The following SMARCC1 variants were observed in gnomAD, a reference collection of about 807,000 sequenced individuals.
SMARCC1 encodes SWI/SNF related BAF chromatin remodeling complex subunit C1.
Under a neutral mutation model 147.4 loss-of-function variants are expected in SMARCC1, and 43 were observed. The ratio of observed to expected loss-of-function variants is 0.29; its 90% CI spans 0.23 to 0.38. The LOEUF is 0.38. Among genes scored for constraint, SMARCC1 ranks in the 10% least tolerant of loss-of-function variants. The pLI, the probability that SMARCC1 is intolerant of heterozygous loss-of-function variation, is 1.00. For missense variants in SMARCC1, 1,119 were observed against 1,381.1 expected (o/e 0.81, Z 3.01); for synonymous variants, 495 against 484.4 (o/e 1.02, Z -0.29).
rs1253600390 is a variant in SMARCC1 at position 47,585,950 on chromosome 3, T to C, written c.*2259A>G. ...AAGAGAGAGATTAGGCCTTCTTCAT[T>C]CATTTTCTCCATTCTTGCCAAACTC... On this transcript the variant is annotated 3_prime_UTR_variant, in exon 28 of 28. Transcript: ENST00000254480. 1 of 152,612 alleles carries C rather than the reference T, an allele frequency of 6.6e-6. No homozygotes were observed. The highest frequency in any genetic ancestry group is 1.5e-5 in the Non-Finnish European group (1 of 68,038). 9.5% of individuals were successfully genotyped at this position (152,612 alleles called of 1,614,324 possible). A position where few individuals can be genotyped will look rare whatever the true frequency, so the allele number is the denominator to read the frequency against.
intron 6 of SMARCC1, among the ~76,000 whole-genome samples, chr3:47,725,233 T>C (rs1293114468): frequency 6.6e-6 from 1 of 151,952 alleles, no homozygotes; most frequent in African/African-American, 2.4e-5. Flanking sequence ...TCGTATGTCA[T>C]CATGCTTTCA....
chr3:47,637,802 A>T (rs2032991798), intron 22 of SMARCC1, among the ~76,000 whole-genome samples: 2 of 151,996 alleles, frequency 1.3e-5, no homozygotes, highest in South Asian at 4.1e-4. Flanking sequence ...TCTCCTACAG[A>T]AGAGAGATTG....
intron 26 of SMARCC1, 146 bp from the exon 27 acceptor site, chr3:47,590,983 T>C (rs568293180): frequency 3.1e-4 from 231 of 736,828 alleles, no homozygotes; most frequent in Middle Eastern, 1.5e-3. Context: ...ATAATCTCTA[T>C]GTTTAGCTTT....
chr3:47,621,184 C>T (rs1023687355), intron 25 of SMARCC1, among the ~76,000 whole-genome samples: 1 of 151,760 alleles, frequency 6.6e-6, no homozygotes, highest in Non-Finnish European at 1.5e-5. Flanking sequence ...CCTGTAGTCC[C>T]AGCTACTTGG....
At chr3:47,647,511 C>G (rs1576398102) in intron 21 of SMARCC1, among the ~76,000 whole-genome samples, 1 of 152,108 alleles carries the variant, frequency 6.6e-6, no homozygotes, top group African/African-American at 2.4e-5. Context: ...AGAATGTAAT[C>G]CCATTGAAAG....
intron 2 of SMARCC1, among the ~76,000 whole-genome samples, chr3:47,753,712 C>CAAAAAAAAAAAA (rs71070226): frequency 1.4e-5 from 1 of 69,608 alleles, no homozygotes; most frequent in African/African-American, 5.9e-5. Flanking sequence ...AACTCCATCT[C>CAAAAAAAAAAAA]AAAAAAAAAA....
chr3:47,765,829 G>A (rs928250399), intron 2 of SMARCC1, among the ~76,000 whole-genome samples: 6 of 151,902 alleles, frequency 3.9e-5, no homozygotes, highest in Non-Finnish European at 8.8e-5. Flanking sequence ...GCCTCCTGGG[G>A]GCTAGCAGTT....
chr3:47,640,184 G>C (rs1314972865), intron 21 of SMARCC1, among the ~76,000 whole-genome samples: 1 of 152,014 alleles, frequency 6.6e-6, no homozygotes, highest in Non-Finnish European at 1.5e-5. Flanking sequence ...AAGTATATGA[G>C]CTCCATGTCC....
intron 2 of SMARCC1, among the ~76,000 whole-genome samples, chr3:47,767,189 G>GAAAAA (rs375076788): frequency 6.2e-5 from 5 of 80,174 alleles, no homozygotes; most frequent in Non-Finnish European, 6.4e-5. Context: ...TCTCCAAAAA[G>GAAAAA]AAAAAAAAAA....
At chr3:47,735,764 A>C (rs1400642666) in intron 5 of SMARCC1, among the ~76,000 whole-genome samples, 1 of 151,936 alleles carries the variant, frequency 6.6e-6, no homozygotes, top group Non-Finnish European at 1.5e-5. Context: ...CCACAACAAC[A>C]AAAAAACTGG....
At chr3:47,642,065 C>T (rs1045778647) in intron 21 of SMARCC1, among the ~76,000 whole-genome samples, 2 of 152,166 alleles carry the variant, frequency 1.3e-5, no homozygotes, top group African/African-American at 2.4e-5. Flanking sequence ...TGAGCTATCG[C>T]ATCCATCCCT....
chr3:47,690,070 G>A (rs1249466613), intron 12 of SMARCC1, among the ~76,000 whole-genome samples: 1 of 152,130 alleles, frequency 6.6e-6, no homozygotes, highest in African/African-American at 2.4e-5. Context: ...AAAAGAACAT[G>A]GGATGCTGGG....
chr3:47,625,044 A>ATT (rs2032788531), intron 24 of SMARCC1, among the ~76,000 whole-genome samples: 1 of 152,166 alleles, frequency 6.6e-6, no homozygotes, highest in Non-Finnish European at 1.5e-5. Context: ...AATAAAATAA[A>ATT]TTGAGACAAA....
chr3:47,776,103 G>A (rs1412695896), intron 1 of SMARCC1, among the ~76,000 whole-genome samples: 2 of 152,016 alleles, frequency 1.3e-5, no homozygotes, highest in Non-Finnish European at 2.9e-5. Flanking sequence ...AGCCGAAAGT[G>A]CGCCACTGCA....
chr3:47,770,322 G>C (rs1428210983), intron 2 of SMARCC1, among the ~76,000 whole-genome samples: 1 of 150,608 alleles, frequency 6.6e-6, no homozygotes, highest in Non-Finnish European at 1.5e-5. Flanking sequence ...GAGCCCAGGA[G>C]TTCAAGACCA....
intron 17 of SMARCC1, 118 bp downstream of exon 17, chr3:47,676,511 T>C (rs2033576247): frequency 1.4e-6 from 1 of 730,892 alleles, no homozygotes; most frequent in Admixed American, 2.8e-5. Context: ...CAAGCAAGGA[T>C]CAAAGAAATA....
chr3:47,696,249 C>G (rs1228307822), intron 11 of SMARCC1, among the ~76,000 whole-genome samples: 1 of 151,808 alleles, frequency 6.6e-6, no homozygotes, highest in Non-Finnish European at 1.5e-5. Context: ...TGGCGGGCGC[C>G]TATAATCTCA....
intron 24 of SMARCC1, among the ~76,000 whole-genome samples, chr3:47,630,127 C>T (rs997942238): frequency 1.6e-5 from 2 of 126,732 alleles, no homozygotes; most frequent in African/African-American, 3.1e-5. Flanking sequence ...ACCAGTTTCA[C>T]GGAAGAGGAT....
intron 24 of SMARCC1, among the ~76,000 whole-genome samples, chr3:47,634,803 G>C (rs907478699): frequency 1.3e-5 from 2 of 152,152 alleles, no homozygotes; most frequent in Admixed American, 1.3e-4. Flanking sequence ...TTTAGGCAAG[G>C]AAACAGGTTT....
Sources: allele counts gnomAD v4.1 joint callset (sites outside exome capture counted in the v4.1 genomes callset), GRCh38; gene constraint gnomAD v4.1.1; transcripts MANE v1.5; gene names NCBI Gene and HGNC (gene_info 2026-07-23, HGNC 2026-07-21).